Variants in SNRPB observed in about 807,000 individuals in gnomAD.
SNRPB encodes the protein small nuclear ribonucleoprotein-associated proteins B and B'.
A neutral mutation model predicts 26.6 loss-of-function variants in SNRPB; 5 were observed. The ratio of observed to expected loss-of-function variants is 0.19; its 90% CI spans 0.10 to 0.39. The LOEUF (loss-of-function observed/expected upper bound fraction) is 0.39. Among genes scored for constraint, SNRPB ranks in the 10% least tolerant of loss-of-function variants. The probability of loss-of-function intolerance (pLI) is 1.00; values close to 1 mark genes in which losing one functional copy is unlikely to be tolerated. For missense variants in SNRPB, 211 were observed against 311.9 expected (o/e 0.68, Z 2.44); for synonymous variants, 122 against 105.8 (o/e 1.15, Z -0.94).
chr20:2,467,846 G>A, intron 1 of SNRPB, 88 bp from the exon 2 acceptor site: 1 of 1,220,824 alleles, frequency 8.2e-7, no homozygotes, highest in Non-Finnish European at 1.2e-6. Context: ...TGGCGTTCTT[G>A]TCCATGTGTC....
At chr20:2,465,143 T>G (rs1008956197) in intron 3 of SNRPB, among the ~76,000 whole-genome samples, 4 of 152,204 alleles carry the variant, frequency 2.6e-5, no homozygotes, top group Non-Finnish European at 4.4e-5. Flanking sequence ...TGGCGCAAGG[T>G]AGATTCTCAG....
rs1042335037 is a variant in SNRPB at position 2,463,343 on chromosome 20, T to G, written c.421-116A>C. 2.4e-5 allele frequency: 19 copies of G among 787,230 alleles called. No individual in the cohort carries two copies. The highest frequency in any genetic ancestry group is 4.2e-5 in the Non-Finnish European group (19 of 456,126). The allele number at this position is 787,230 out of a possible 1,614,324, so 48.8% of individuals were successfully genotyped here. On this transcript the variant is annotated intron_variant, in intron 4 of 6. Transcript: ENST00000381342. The surrounding 1 kb of genome is among the most constrained non-coding windows in gnomAD (Gnocchi z 5.0). ...TAACAGACACCAAATCCCTTAATGC[T>G]ACAACTCTCAGCACCAGACTTCCCA...
intron 6 of SNRPB, 36 bp downstream of exon 6, chr20:2,462,600 G>C: frequency 6.3e-7 from 1 of 1,597,664 alleles, no homozygotes; most frequent in Non-Finnish European, 8.6e-7. Flanking sequence ...CTAGGCTCTA[G>C]GGAAAGAAGC....
intron 1 of SNRPB, 80 bp downstream of exon 1, chr20:2,470,606 CGG>C: frequency 6.3e-7 from 1 of 1,580,292 alleles, no homozygotes; most frequent in South Asian, 1.1e-5. Flanking sequence ...CTCCAACCCA[CGG>C]CTTCCTCCCC....
chr20:2,461,881 T>A lies in SNRPB; in HGVS notation c.*48A>T, dbSNP rs1369908578. ...TCTGTGGTAACGTGGCCCTGAGGAA[T>A]CGAGCCCACGCCTCTGCGGAGCTAC... On this transcript the variant is annotated 3_prime_UTR_variant, in exon 7 of 7. Transcript: ENST00000381342. 6.2e-7 allele frequency: 1 copy of A among 1,613,956 alleles called. No homozygotes were observed. Among genetic ancestry groups the A allele is most frequent in the South Asian group, 1.1e-5 (1 of 91,074 alleles).
rs2085045852 is a variant in SNRPB, at chr20:2,462,913, A to G, written c.560-152T>C. The G allele has an allele frequency of 3.2e-6, 3 of 939,568 alleles. No homozygotes were observed. The Admixed American group carries it at 7.7e-5, about 24-fold the overall frequency. 58.2% of individuals were successfully genotyped at this position (939,568 alleles called of 1,614,324 possible). A position where few individuals can be genotyped will look rare whatever the true frequency, so the allele number is the denominator to read the frequency against. ...AAACTGACATTTGAGCCTAACACCC[A>G]GGGCTCCCAATGGCTCTTGTCCACC... On this transcript the variant is annotated intron_variant, in intron 5 of 6. Transcript: ENST00000381342.
In SNRPB at chr20:2,463,018, T is replaced by C; in HGVS notation, c.559+71A>G. The C allele has an allele frequency of 7.5e-7, 1 of 1,325,050 alleles. No individual in the cohort carries two copies. The highest frequency in any genetic ancestry group is 1.4e-5 in the South Asian group (1 of 70,938). The allele number at this position is 1,325,050 out of a possible 1,614,324, so 82.1% of individuals were successfully genotyped here. The stretch of plus-strand genomic sequence containing the variant: ...AACTCATCATCAGCTTCAGTCAAGG[T>C]TATATCTCATCATTAATCCAGCTAA... On this transcript the variant is annotated intron_variant, in intron 5 of 6. Transcript: ENST00000381342. This position sits in a 1 kb window ranked among gnomAD's most constrained non-coding sequence, Gnocchi z 5.0.
chr20:2,470,207 C>T (rs1026487994), intron 1 of SNRPB, among the ~76,000 whole-genome samples: 2 of 152,194 alleles, frequency 1.3e-5, no homozygotes, highest in South Asian at 2.1e-4. Context: ...CACCCTCCTC[C>T]GCCCTCCTCT....
chr20:2,463,682 T>C lies in SNRPB; in HGVS notation c.420+65A>G, dbSNP rs1312473677. ...GTCACTCTGGACCCTTTTAAAACTA[T>C]GGACCCTCCCCTTTATCCTTTATTT... On this transcript the variant is annotated intron_variant, in intron 4 of 6. Coordinates refer to ENST00000381342, the MANE Select transcript of SNRPB (RefSeq NM_003091.4). The surrounding 1 kb of genome is among the most constrained non-coding windows in gnomAD (Gnocchi z 5.0). 1.6e-6 allele frequency: 2 copies of C among 1,247,976 alleles called. No individual in the cohort carries two copies. Among genetic ancestry groups the C allele is most frequent in the Non-Finnish European group, 2.2e-6 (2 of 892,846 alleles). 77.3% of individuals were successfully genotyped at this position (1,247,976 alleles called of 1,614,324 possible).
At chr20:2,464,661 T>A (rs1471998308) in intron 3 of SNRPB, among the ~76,000 whole-genome samples, 2 of 152,150 alleles carry the variant, frequency 1.3e-5, no homozygotes, top group Non-Finnish European at 1.5e-5. Flanking sequence ...AAAATCCAGA[T>A]AATATATGTG....
chr20:2,463,686 C>G lies in SNRPB; in HGVS notation c.420+61G>C, dbSNP rs200001472. On this transcript the variant is annotated intron_variant, in intron 4 of 6. Coordinates refer to ENST00000381342, the MANE Select transcript of SNRPB (RefSeq NM_003091.4). This position sits in a 1 kb window ranked among gnomAD's most constrained non-coding sequence, Gnocchi z 5.0. ...CTCTGGACCCTTTTAAAACTATGGA[C>G]CCTCCCCTTTATCCTTTATTTTAGC... 7 of 1,271,054 alleles carry G rather than the reference C, an allele frequency of 5.5e-6. No individual in the cohort carries two copies. Among genetic ancestry groups the G allele is most frequent in the Non-Finnish European group, 6.6e-6 (6 of 913,672 alleles). 78.7% of individuals were successfully genotyped at this position (1,271,054 alleles called of 1,614,324 possible).
chr20:2,465,041 G>A (rs1343083520), intron 3 of SNRPB, among the ~76,000 whole-genome samples: 1 of 152,174 alleles, frequency 6.6e-6, no homozygotes, highest in Non-Finnish European at 1.5e-5. Flanking sequence ...GTGGCACCTT[G>A]GGCAAGTTAC....
In SNRPB at chr20:2,463,317, A is replaced by G. The variant is rs997754086; in HGVS notation, c.421-90T>C. On this transcript the variant is annotated intron_variant, in intron 4 of 6. Coordinates refer to ENST00000381342, the MANE Select transcript of SNRPB (RefSeq NM_003091.4). The surrounding 1 kb of genome is among the most constrained non-coding windows in gnomAD (Gnocchi z 5.0). The stretch of plus-strand genomic sequence containing the variant: ...CCAACTTGGGGAAGGACAGTGGGAA[A>G]TAACAGACACCAAATCCCTTAATGC... 4 of 972,294 alleles carry G rather than the reference A, an allele frequency of 4.1e-6. No homozygotes were observed. The highest frequency in any genetic ancestry group is 5.0e-6 in the Non-Finnish European group (3 of 603,268). 60.2% of individuals were successfully genotyped at this position (972,294 alleles called of 1,614,324 possible). A position where few individuals can be genotyped will look rare whatever the true frequency, so the allele number is the denominator to read the frequency against.
intron 3 of SNRPB, among the ~76,000 whole-genome samples, chr20:2,465,403 T>G (rs1454638198): frequency 2.8e-5 from 2 of 70,294 alleles, no homozygotes; most frequent in Non-Finnish European, 5.3e-5. Context: ...TTTTTTTTTT[T>G]TGTCTTTTTT....
chr20:2,467,388 GC>G (rs2085080844), intron 2 of SNRPB: 2 of 640,912 alleles, frequency 3.1e-6, no homozygotes, highest in Admixed American at 2.4e-5. Flanking sequence ...AAAAAGCCTA[GC>G]AGCCCTTCAC....
Position 2,463,650 on chromosome 20 carries a change from C to T in SNRPB, c.420+97G>A. On this transcript the variant is annotated intron_variant, in intron 4 of 6. Transcript: ENST00000381342. The surrounding 1 kb of genome is among the most constrained non-coding windows in gnomAD (Gnocchi z 5.0). ...TGAAACACTGATAGTCTGACAATCA[C>T]AGGTTGGTCACTCTGGACCCTTTTA... 1.2e-6 allele frequency: 1 copy of T among 838,152 alleles called. No individual in the cohort carries two copies. The highest frequency in any genetic ancestry group is 1.7e-5 in the South Asian group (1 of 57,966). The allele number at this position is 838,152 out of a possible 1,614,324, so 51.9% of individuals were successfully genotyped here.
chr20:2,462,802 T>A, intron 5 of SNRPB, 41 bp from the exon 6 acceptor site: 1 of 1,487,794 alleles, frequency 6.7e-7, no homozygotes, highest in Non-Finnish European at 9.0e-7. Context: ...CAAGTGTCTA[T>A]CTTGAAAAGG....
chr20:2,469,524 T>C (rs1453391929), intron 1 of SNRPB, among the ~76,000 whole-genome samples: 1 of 152,052 alleles, frequency 6.6e-6, no homozygotes, highest in East Asian at 1.9e-4. Flanking sequence ...AAACCCCGTC[T>C]CTACTAAAAA....
chr20:2,467,559 A>G, intron 2 of SNRPB, 48 bp downstream of exon 2: 2 of 1,582,796 alleles, frequency 1.3e-6, no homozygotes, highest in South Asian at 2.3e-5. Context: ...CCACCCACTC[A>G]ATCCATTCCC....
Sources: gnomAD v4.1 joint callset for allele counts (sites outside exome capture counted in the v4.1 genomes callset) on GRCh38, gnomAD v4.1.1 for gene constraint, Gnocchi (gnomAD v3.1) non-coding constraint, MANE v1.5 for transcripts, NCBI Gene and HGNC (gene_info 2026-07-23, HGNC 2026-07-21) for gene names.